ATP10B: variants seen among roughly 807,000 people sequenced by gnomAD.
ATP10B encodes the protein phospholipid-transporting ATPase VB.
ATP10B carries 122 observed loss-of-function variants against 141.2 expected under a neutral mutation model. That is an observed-to-expected ratio of 0.86 (90% CI 0.75 to 1.00). The LOEUF (loss-of-function observed/expected upper bound fraction) is 1.00, where lower values mean the gene tolerates loss of function less well. ATP10B is among the 50% of genes least tolerant of loss of function. ATP10B has a pLI of 0.00. For missense variants in ATP10B, 1,876 were observed against 1,825.3 expected (o/e 1.03, Z -0.51); for synonymous variants, 685 against 692.0 (o/e 0.99, Z 0.16).
chr5:160,776,224 C>A (rs796455266), intron 2 of ATP10B, among the ~76,000 whole-genome samples: 14 of 152,152 alleles, frequency 9.2e-5, no homozygotes, highest in Admixed American at 9.2e-4. Context: ...GTGCTTGGAA[C>A]ATAGGAGGCA....
At chr5:160,892,423 CCATT>C in the ATP10B span, among the ~76,000 whole-genome samples, 13 of 152,308 alleles carry the variant, frequency 8.5e-5, no homozygotes, top group South Asian at 2.3e-3. Flanking sequence ...TGAATTGCCT[CCATT>C]CAGACAGACC....
At chr5:160,702,691 G>T (rs1187665191) in intron 3 of ATP10B, among the ~76,000 whole-genome samples, 1 of 152,134 alleles carries the variant, frequency 6.6e-6, no homozygotes, top group African/African-American at 2.4e-5. Context: ...GAATTTTTGA[G>T]ATTGGTGAAT....
chr5:160,767,514 G>A lies in ATP10B; in HGVS notation c.-331+18045C>T, dbSNP rs149521255. Among the ~76,000 whole-genome samples the A allele has an allele frequency of 2.3e-3, 356 of 152,000 alleles. 1 individual carries two copies. The highest frequency in any genetic ancestry group is 8.4e-3 in the African/African-American group (349 of 41,488). ...CTGCGATTTGAACCAAAGTCTCTCT[G>A]AATCCAAAGTCCTCATATTGGAATT... On this transcript the variant is annotated intron_variant, in intron 2 of 25. Coordinates refer to ENST00000327245, the MANE Select transcript of ATP10B (RefSeq NM_025153.3).
chr5:160,844,378 C>T (rs949274051), intron 1 of ATP10B, among the ~76,000 whole-genome samples: 8 of 152,068 alleles, frequency 5.3e-5, no homozygotes, highest in African/African-American at 1.9e-4. Flanking sequence ...TGAAAATTAA[C>T]AAATGACTAT....
At chr5:160,647,255 A>T (rs555230638) in intron 8 of ATP10B, among the ~76,000 whole-genome samples, 157 of 152,358 alleles carry the variant, frequency 1.0e-3, no homozygotes, top group Non-Finnish European at 1.9e-3. Flanking sequence ...CAGAGGCATC[A>T]GACCAGTGGG....
intron 2 of ATP10B, among the ~76,000 whole-genome samples, chr5:160,784,629 A>G (rs1770998785): frequency 1.3e-5 from 2 of 152,170 alleles, no homozygotes; most frequent in South Asian, 2.1e-4. Flanking sequence ...TGCATATGGT[A>G]TAATGATAAT....
chr5:160,699,767 G>C (rs1764574305), intron 3 of ATP10B, among the ~76,000 whole-genome samples: 1 of 152,152 alleles, frequency 6.6e-6, no homozygotes, highest in Non-Finnish European at 1.5e-5. Context: ...GGGAGGGAAA[G>C]GGAGGGCAAA....
At chr5:160,877,757 C>A in the ATP10B span, among the ~76,000 whole-genome samples, 2 of 116,354 alleles carry the variant, frequency 1.7e-5, no homozygotes, top group East Asian at 3.8e-4. Context: ...AAACAGAGAG[C>A]CAAATCATGA....
chr5:160,654,551 A>G (rs58570286), intron 7 of ATP10B, among the ~76,000 whole-genome samples: 1,954 of 152,236 alleles, frequency 0.013, 44 homozygotes, highest in African/African-American at 0.044. Context: ...TGGAGCACTT[A>G]CTATGTGCCA....
chr5:160,579,110 G>A (rs1187934412), intron 24 of ATP10B, among the ~76,000 whole-genome samples: 1 of 152,072 alleles, frequency 6.6e-6, no homozygotes, highest in Non-Finnish European at 1.5e-5. Flanking sequence ...AAAATTTTCT[G>A]CCATCCTGTA....
intron 24 of ATP10B, among the ~76,000 whole-genome samples, chr5:160,577,513 A>T (rs1755266599): frequency 2.0e-5 from 3 of 152,174 alleles, no homozygotes; most frequent in Admixed American, 2.0e-4. Flanking sequence ...GCTCCTACTT[A>T]AGACAGATCA....
chr5:160,774,559 C>T (rs1188794090), intron 2 of ATP10B, among the ~76,000 whole-genome samples: 1 of 152,196 alleles, frequency 6.6e-6, no homozygotes, highest in Non-Finnish European at 1.5e-5. Flanking sequence ...GCTCTATTAA[C>T]TGTGCCCCAC....
chr5:160,877,025 A>G, the ATP10B span, among the ~76,000 whole-genome samples: 1 of 152,024 alleles, frequency 6.6e-6, no homozygotes, highest in Non-Finnish European at 1.5e-5. Context: ...ATCCTCCCCT[A>G]ACTCATTTTA....
chr5:160,835,750 G>T (rs566933826), intron 1 of ATP10B, among the ~76,000 whole-genome samples: 2 of 152,146 alleles, frequency 1.3e-5, no homozygotes, highest in East Asian at 3.9e-4. Flanking sequence ...TAGAATGTTT[G>T]GCTTCTAGGT....
intron 11 of ATP10B, among the ~76,000 whole-genome samples, chr5:160,635,946 T>C (rs1759335075): frequency 6.6e-6 from 1 of 152,170 alleles, no homozygotes; most frequent in South Asian, 2.1e-4. Flanking sequence ...AGCTAATAAA[T>C]ATTTCCCTCC....
chr5:160,569,711 T>G, intron 24 of ATP10B, 28 bp from the exon 25 acceptor site: 2 of 1,510,190 alleles, frequency 1.3e-6, no homozygotes, highest in Non-Finnish European at 1.8e-6. Context: ...CAAACACTGT[T>G]GAAGGTATAG....
chr5:160,856,512 T>A (rs1375917161), upstream of ATP10B, among the ~76,000 whole-genome samples: 1 of 151,816 alleles, frequency 6.6e-6, no homozygotes, highest in Non-Finnish European at 1.5e-5. Flanking sequence ...TCTTGCCTTA[T>A]TGCACTCACT....
At chr5:160,577,667 A>G (rs1581140623) in intron 24 of ATP10B, among the ~76,000 whole-genome samples, 1 of 152,312 alleles carries the variant, frequency 6.6e-6, no homozygotes, top group Non-Finnish European at 1.5e-5. Context: ...AATTTCCATC[A>G]TGACTTACTC....
chr5:160,870,176 A>G, the ATP10B span, among the ~76,000 whole-genome samples: 4 of 152,154 alleles, frequency 2.6e-5, no homozygotes, highest in Non-Finnish European at 4.4e-5. Flanking sequence ...GCAAGGGGAA[A>G]GAAAGTAACC....
Sources: allele counts gnomAD v4.1 joint callset (sites outside exome capture counted in the v4.1 genomes callset), GRCh38; gene constraint gnomAD v4.1.1; transcripts MANE v1.5; gene names NCBI Gene and HGNC (gene_info 2026-07-23, HGNC 2026-07-21).